NCOA2: variants seen among roughly 807,000 people sequenced by gnomAD.
The protein encoded by NCOA2 is nuclear receptor coactivator 2.
A neutral mutation model predicts 145.1 loss-of-function variants in NCOA2; 21 were observed. The observed-to-expected ratio is 0.14, with a 90% confidence interval of 0.10 to 0.21. NCOA2 has a LOEUF of 0.21. NCOA2 is among the 10% of genes least tolerant of loss of function. The pLI, the probability that NCOA2 is intolerant of heterozygous loss-of-function variation, is 1.00. For missense variants in NCOA2, 1,472 were observed against 1,837.6 expected, an observed-to-expected ratio of 0.80 and a Z score of 3.64; for synonymous variants, 619 against 637.5, an observed-to-expected ratio of 0.97 and a Z score of 0.44.
chr8:70,235,741 G>A (rs1364812363), intron 2 of NCOA2, among the ~76,000 whole-genome samples: 1 of 152,168 alleles, frequency 6.6e-6, no homozygotes, highest in African/African-American at 2.4e-5. Context: ...CTACTCGGGA[G>A]GCTGAGGCAG....
At chr8:70,404,148 TGAA>T (rs1271224590), upstream of NCOA2, among the ~76,000 whole-genome samples, 2 of 150,316 alleles carry the variant, frequency 1.3e-5, no homozygotes, top group Non-Finnish European at 3.0e-5. Context: ...CGGGGAGAGG[TGAA>T]GAAGAGTAAG....
intron 2 of NCOA2, among the ~76,000 whole-genome samples, chr8:70,290,972 C>T (rs1458401226): frequency 6.6e-6 from 1 of 152,120 alleles, no homozygotes; most frequent in African/African-American, 2.4e-5. Flanking sequence ...AAGTGAACAG[C>T]CTAGCTAAAA....
At position 70,360,789 on chromosome 8, in the gene NCOA2, T is replaced by A. The variant is rs1202075194; in HGVS notation, c.-77+42911A>T. On this transcript the variant is annotated intron_variant, in intron 1 of 22. Transcript: ENST00000452400. ...CACATCTCTACTAAAAATACAAAAA[T>A]GAGCCAGGCGTGGTAGCCCATGCCT... Among the ~76,000 whole-genome samples, 12 of 151,934 alleles carry A rather than the reference T, an allele frequency of 7.9e-5. No individual in the cohort carries two copies. In the East Asian group the frequency reaches 2.1e-3, roughly 27 times the overall value.
At chr8:70,419,162 T>C in the NCOA2 span, among the ~76,000 whole-genome samples, 1 of 152,128 alleles carries the variant, frequency 6.6e-6, no homozygotes, top group Non-Finnish European at 1.5e-5. Context: ...CCAGTGTATT[T>C]GGCTTGGTTT....
intron 1 of NCOA2, among the ~76,000 whole-genome samples, chr8:70,360,477 T>C (rs1470965267): frequency 1.2e-4 from 18 of 152,210 alleles, no homozygotes. Context: ...GGGTAGTTAA[T>C]TACAGCACAG....
intron 4 of NCOA2, among the ~76,000 whole-genome samples, chr8:70,187,197 TGAAA>T (rs1049357871): frequency 9.2e-5 from 14 of 152,104 alleles, no homozygotes; most frequent in Non-Finnish European, 1.9e-4. Flanking sequence ...AGCACAAGTG[TGAAA>T]GAGAGGTGGT....
intron 4 of NCOA2, among the ~76,000 whole-genome samples, chr8:70,197,116 G>T (rs1817409815): frequency 6.6e-6 from 1 of 152,252 alleles, no homozygotes; most frequent in South Asian, 2.1e-4. Flanking sequence ...AAAAAGTATA[G>T]TTAAGTAGCC....
intron 4 of NCOA2, among the ~76,000 whole-genome samples, chr8:70,186,385 T>A (rs998454209): frequency 1.1e-4 from 16 of 152,200 alleles, no homozygotes; most frequent in African/African-American, 3.6e-4. Flanking sequence ...TTTCCTCCCC[T>A]GACCAGCTAA....
intron 4 of NCOA2, among the ~76,000 whole-genome samples, chr8:70,200,939 T>C (rs569531787): frequency 1.3e-5 from 2 of 150,892 alleles, no homozygotes; most frequent in South Asian, 2.1e-4. Context: ...TCCTAGCTAC[T>C]TGGGAGGCTG....
rs548024202 is a variant in NCOA2 at position 70,114,464 on chromosome 8, C to A, written c.4384-821G>T. Among the ~76,000 whole-genome samples, 5 of 152,326 alleles carry A rather than the reference C, an allele frequency of 3.3e-5. No individual in the cohort carries two copies. In the South Asian group the frequency reaches 1.0e-3, roughly 32 times the overall value. ...TATATCTGTCAATGATTTTCTTTGG[C>A]TACCGACTATCTTCCTTCCAAAAGT... On this transcript the variant is annotated intron_variant, in intron 22 of 22. Coordinates refer to ENST00000452400, the MANE Select transcript of NCOA2 (RefSeq NM_006540.4).
intron 4 of NCOA2, among the ~76,000 whole-genome samples, chr8:70,200,966 T>G (rs1232440754): frequency 1.4e-5 from 2 of 145,842 alleles, no homozygotes; most frequent in Non-Finnish European, 3.0e-5. Flanking sequence ...GAGAATCACT[T>G]GAGCCCAGGA....
At chr8:70,259,230 G>A (rs558882264) in intron 2 of NCOA2, among the ~76,000 whole-genome samples, 2 of 152,218 alleles carry the variant, frequency 1.3e-5, no homozygotes, top group African/African-American at 4.8e-5. Context: ...TCAATCCCCT[G>A]AAACCAATGG....
At chr8:70,163,392 A>T (rs911926810) in intron 8 of NCOA2, 73 bp downstream of exon 8, 2 of 1,064,066 alleles carry the variant, frequency 1.9e-6, no homozygotes, top group African/African-American at 3.1e-5. Context: ...TCTTCTAAAT[A>T]GAGTCCTTGC....
intron 1 of NCOA2, among the ~76,000 whole-genome samples, chr8:70,304,856 C>CCT (rs1563743878): frequency 5.6e-5 from 7 of 125,716 alleles, no homozygotes; most frequent in South Asian, 2.6e-4. Flanking sequence ...AAGTAACTAG[C>CCT]TTTTTTTTTT....
At chr8:70,228,428 C>T (rs1001215500) in intron 2 of NCOA2, among the ~76,000 whole-genome samples, 1 of 152,142 alleles carries the variant, frequency 6.6e-6, no homozygotes, top group Non-Finnish European at 1.5e-5. Context: ...TGGCAAGCTG[C>T]CAGTGGAGGG....
At chr8:70,376,182 GC>G (rs906916034) in intron 1 of NCOA2, among the ~76,000 whole-genome samples, 92 of 152,250 alleles carry the variant, frequency 6.0e-4, no homozygotes, top group African/African-American at 2.1e-3. Flanking sequence ...AAATGCAGTG[GC>G]AATTTTACAA....
At chr8:70,184,391 G>A (rs1815818804) in intron 4 of NCOA2, among the ~76,000 whole-genome samples, 2 of 152,190 alleles carry the variant, frequency 1.3e-5, no homozygotes, top group Non-Finnish European at 2.9e-5. Flanking sequence ...CTACCCAAGT[G>A]GAGGTTGTAC....
At chr8:70,349,626 T>C (rs536335412) in intron 1 of NCOA2, among the ~76,000 whole-genome samples, 14 of 152,054 alleles carry the variant, frequency 9.2e-5, no homozygotes, top group Non-Finnish European at 1.8e-4. Flanking sequence ...CAACTATACT[T>C]CACTAGTTTT....
the NCOA2 span, among the ~76,000 whole-genome samples, chr8:70,441,782 GAGAAAGAAAGAAAGAA>G: frequency 0.013 from 1,820 of 139,402 alleles, 22 homozygotes; most frequent in Non-Finnish European, 0.016. Context: ...AAAGAAAGAA[GAGAAAGAAAGAAAGAA>G]AGAAAGAAAG....
Sources: allele counts gnomAD v4.1 joint callset (sites outside exome capture counted in the v4.1 genomes callset), GRCh38; gene constraint gnomAD v4.1.1; transcripts MANE v1.5; gene names NCBI Gene and HGNC (gene_info 2026-07-23, HGNC 2026-07-21).